Variants in ODAD2 observed in about 807,000 individuals in gnomAD.
The protein encoded by ODAD2 is outer dynein arm docking complex subunit 2, also known as outer dynein arm-docking complex subunit 2.
ODAD2 carries 89 observed loss-of-function variants against 106.8 expected under a neutral mutation model. That is an observed-to-expected ratio of 0.83 (90% CI 0.70 to 0.99). The LOEUF is 0.99. Ranked by LOEUF, ODAD2 falls within the 50% of genes least tolerant of loss-of-function variation. The pLI, the probability that ODAD2 is intolerant of heterozygous loss-of-function variation, is 0.00. For synonymous variants in ODAD2, 404 were observed against 436.2 expected, an observed-to-expected ratio of 0.93 and a Z score of 0.92; for missense variants, 1,168 against 1,238.5, an observed-to-expected ratio of 0.94 and a Z score of 0.85.
intron 17 of ODAD2, among the ~76,000 whole-genome samples, chr10:27,871,867 CA>C (rs1314142801): frequency 6.6e-6 from 1 of 151,940 alleles, no homozygotes; most frequent in East Asian, 1.9e-4. Context: ...ATGAACTTTA[CA>C]GTAGTTTTTT....
Position 27,946,375 on chromosome 10 carries a change from T to C in ODAD2, c.1387-1413A>G, listed in dbSNP as rs549894831. The stretch of plus-strand genomic sequence containing the variant: ...CTTCTTGTGAATTCAACACAATAGG[T>C]CAAGTTTTTAATTTTTAAAAATTTA... On this transcript the variant is annotated intron_variant, in intron 10 of 19. Coordinates refer to ENST00000305242, the MANE Select transcript of ODAD2 (RefSeq NM_018076.5). 3.2e-4 allele frequency among the ~76,000 whole-genome samples: 48 copies of C among 151,614 alleles called. 1 individual carries two copies. In the South Asian group the frequency reaches 6.7e-3, roughly 21 times the overall value.
intron 19 of ODAD2, among the ~76,000 whole-genome samples, chr10:27,839,249 G>A (rs536985177): frequency 6.6e-6 from 1 of 152,242 alleles, no homozygotes; most frequent in South Asian, 2.1e-4. Context: ...GTAAACTTCT[G>A]AAGATATATA....
chr10:27,848,692 A>G (rs908611186), intron 19 of ODAD2, among the ~76,000 whole-genome samples: 2 of 152,180 alleles, frequency 1.3e-5, no homozygotes, highest in African/African-American at 4.8e-5. Flanking sequence ...GAATCTACAA[A>G]AAACTCAAAC....
chr10:27,976,367 G>A (rs1251644038), intron 7 of ODAD2, among the ~76,000 whole-genome samples: 2 of 152,074 alleles, frequency 1.3e-5, no homozygotes, highest in Non-Finnish European at 2.9e-5. Flanking sequence ...CCTCTGGAAT[G>A]TATAAACAAG....
intron 12 of ODAD2, among the ~76,000 whole-genome samples, chr10:27,943,339 A>T (rs1846587141): frequency 6.6e-6 from 1 of 152,160 alleles, no homozygotes; most frequent in Non-Finnish European, 1.5e-5. Context: ...AATTCAGAGA[A>T]AACTCCTGAG....
intron 17 of ODAD2, among the ~76,000 whole-genome samples, chr10:27,877,087 A>C (rs2133517011): frequency 6.6e-6 from 1 of 152,308 alleles, no homozygotes; most frequent in South Asian, 2.1e-4. Flanking sequence ...AGGCAGTTTT[A>C]ACTTTAAGAT....
intron 19 of ODAD2, among the ~76,000 whole-genome samples, chr10:27,858,234 AC>A (rs1839794512): frequency 6.6e-6 from 1 of 152,130 alleles, no homozygotes; most frequent in Non-Finnish European, 1.5e-5. Context: ...CTTAAAGAAA[AC>A]CAGAGAAAGG....
intron 10 of ODAD2, chr10:27,957,222 A>G (rs1847795525): frequency 1.3e-5 from 2 of 152,268 alleles, no homozygotes; most frequent in Non-Finnish European, 2.9e-5. Flanking sequence ...AGGAAGAGAG[A>G]GGGATGCAAG....
At chr10:27,904,437 C>T (rs1348619433) in intron 17 of ODAD2, 2 of 154,486 alleles carry the variant, frequency 1.3e-5, no homozygotes, top group African/African-American at 4.8e-5. Context: ...GATCACGCCA[C>T]TGCACTCCAA....
chr10:27,914,726 A>T (rs1379574637), intron 16 of ODAD2, among the ~76,000 whole-genome samples: 1 of 152,022 alleles, frequency 6.6e-6, no homozygotes, highest in African/African-American at 2.4e-5. Context: ...ATGCATGTAT[A>T]CACATACTTT....
intron 6 of ODAD2, 188 bp from the exon 7 acceptor site, chr10:27,981,770 T>C (rs1215085511): frequency 7.0e-6 from 3 of 427,124 alleles, no homozygotes; most frequent in Admixed American, 4.7e-5. Flanking sequence ...TTTCCATTCA[T>C]TCACTCATTC....
At chr10:27,933,336 T>C (rs542659116) in intron 16 of ODAD2, among the ~76,000 whole-genome samples, 139 of 152,282 alleles carry the variant, frequency 9.1e-4, no homozygotes, top group African/African-American at 3.2e-3. Flanking sequence ...AGAAGTTAAA[T>C]GGGGCCATAA....
chr10:27,874,205 T>C (rs1435861235), intron 17 of ODAD2, among the ~76,000 whole-genome samples: 3 of 152,212 alleles, frequency 2.0e-5, no homozygotes. Flanking sequence ...TTCCATTTGC[T>C]TGGTAGATCT....
intron 5 of ODAD2, 36 bp from the exon 6 acceptor site, chr10:27,984,015 T>C: frequency 2.5e-6 from 4 of 1,595,936 alleles, no homozygotes; most frequent in Non-Finnish European, 3.4e-6. Flanking sequence ...CAGGAGTTCC[T>C]TAACCTAGAG....
At chr10:27,846,299 T>C (rs1328785106) in intron 19 of ODAD2, among the ~76,000 whole-genome samples, 3 of 152,060 alleles carry the variant, frequency 2.0e-5, no homozygotes, top group Non-Finnish European at 4.4e-5. Context: ...ACATGGAAAC[T>C]GAACAACCTG....
chr10:27,813,720 T>C (rs531413111), intron 19 of ODAD2, among the ~76,000 whole-genome samples: 1 of 152,284 alleles, frequency 6.6e-6, no homozygotes, highest in South Asian at 2.1e-4. Flanking sequence ...CTATAGGTAA[T>C]AAAAAGAAGT....
chr10:27,939,932 G>C lies in ODAD2; in HGVS notation c.2062C>G (p.Gln688Glu). The stretch of plus-strand genomic sequence containing the variant: ...GCCATGGCGCAGTGCTCCTGCAGCT[G>C]CTCATTCTCACTATTTAGGTTCTTG... ...LVKNLNSENE[Q>E]LQEHCAMAIY... Residue 688 changes from glutamine to glutamate, a missense_variant, in exon 14 of 20, where the codon CAG becomes GAG. By Grantham distance (29) the Gln-to-Glu change is conservative. Around this residue, in one of 3 missense-constraint regions of ODAD2, gnomAD observed 701 missense variants for 712.3 expected, o/e 0.98. Coordinates refer to ENST00000305242, the MANE Select transcript of ODAD2 (RefSeq NM_018076.5). 1.2e-6 allele frequency: 2 copies of C among 1,611,012 alleles called. No individual in the cohort carries two copies. The highest frequency in any genetic ancestry group is 2.7e-5 in the African/African-American group (2 of 74,856).
chr10:27,845,956 T>C (rs1838715138), intron 19 of ODAD2, among the ~76,000 whole-genome samples: 1 of 152,092 alleles, frequency 6.6e-6, no homozygotes, highest in Non-Finnish European at 1.5e-5. Flanking sequence ...AGACTTAGGC[T>C]CCCACACAAT....
At chr10:27,860,535 C>T in intron 19 of ODAD2, 90 bp downstream of exon 19, 3 of 1,232,740 alleles carry the variant, frequency 2.4e-6, no homozygotes, top group Non-Finnish European at 3.5e-6. Flanking sequence ...CTCTGAATAC[C>T]TCCTTTAGAG....
Sources: allele counts gnomAD v4.1 joint callset (sites outside exome capture counted in the v4.1 genomes callset), GRCh38; gene constraint gnomAD v4.1.1; regional missense constraint gnomAD v4.1.1; transcripts MANE v1.5; gene names NCBI Gene and HGNC (gene_info 2026-07-23, HGNC 2026-07-21).